Variants in ABCA13 observed in about 807,000 individuals in gnomAD.
ABCA13 encodes the protein ATP binding cassette subfamily A member 13.
In ABCA13, 476 loss-of-function variants were observed where a neutral mutation model predicts 478.7. That is an observed-to-expected ratio of 0.99 (90% CI 0.92 to 1.07). The LOEUF (loss-of-function observed/expected upper bound fraction) is 1.07, where lower values mean the gene tolerates loss of function less well. Ranked by LOEUF, ABCA13 falls within the 50% of genes least tolerant of loss-of-function variation. The probability of loss-of-function intolerance (pLI) is 0.00; values close to 1 mark genes in which losing one functional copy is unlikely to be tolerated. For missense variants in ABCA13, 6,060 were observed against 5,910.6 expected, an observed-to-expected ratio of 1.03 and a Z score of -0.83; for synonymous variants, 2,252 against 2,158.9, an observed-to-expected ratio of 1.04 and a Z score of -1.20.
intron 5 of ABCA13, among the ~76,000 whole-genome samples, chr7:48,226,994 G>A (rs115082273): frequency 0.012 from 1,895 of 151,710 alleles, 41 homozygotes; most frequent in African/African-American, 0.044. Context: ...TACAAAAATC[G>A]GCCTTCTTTT....
chr7:48,246,101 T>G lies in ABCA13; in HGVS notation c.1659+71T>G. The G allele has an allele frequency of 4.7e-6, 7 of 1,497,788 alleles. No homozygotes were observed. The South Asian group carries it at 7.9e-5, about 17-fold the overall frequency. The allele number at this position is 1,497,788 out of a possible 1,614,324, so 92.8% of individuals were successfully genotyped here. On this transcript the variant is annotated intron_variant, in intron 13 of 61. Coordinates refer to ENST00000435803, the MANE Select transcript of ABCA13 (RefSeq NM_152701.5). ...ATTAAATTCACCAAAGATGCTAATA[T>G]TTAACCTGGAGTTTCGATGAGGAAA...
At chr7:48,403,045 G>A (rs1817812848) in intron 38 of ABCA13, among the ~76,000 whole-genome samples, 1 of 152,250 alleles carries the variant, frequency 6.6e-6, no homozygotes, top group South Asian at 2.1e-4. Flanking sequence ...CCCTGGAAGA[G>A]GGGTAAAGTT....
chr7:48,536,422 A>T (rs753139259), intron 55 of ABCA13, among the ~76,000 whole-genome samples: 5 of 152,060 alleles, frequency 3.3e-5, no homozygotes, highest in Non-Finnish European at 5.9e-5. Context: ...CCGAGGTGGG[A>T]GGATCACCTG....
At chr7:48,232,827 A>G (rs1789358290) in intron 7 of ABCA13, among the ~76,000 whole-genome samples, 1 of 152,234 alleles carries the variant, frequency 6.6e-6, no homozygotes. Flanking sequence ...ATTAATAGTT[A>G]CAGCTCAGCT....
At chr7:48,528,668 G>GGGGTGGT (rs1358169612) in intron 55 of ABCA13, among the ~76,000 whole-genome samples, 2 of 152,098 alleles carry the variant, frequency 1.3e-5, no homozygotes, top group Non-Finnish European at 2.9e-5. Flanking sequence ...AAATGGCCAA[G>GGGGTGGT]GGGTGGTTCT....
intron 42 of ABCA13, among the ~76,000 whole-genome samples, chr7:48,437,332 G>A (rs1341190625): frequency 6.6e-6 from 1 of 151,930 alleles, no homozygotes; most frequent in Non-Finnish European, 1.5e-5. Flanking sequence ...TATTAGAATA[G>A]CCACCCTTCT....
intron 48 of ABCA13, among the ~76,000 whole-genome samples, chr7:48,495,498 G>T (rs911712939): frequency 5.4e-4 from 82 of 152,210 alleles, no homozygotes; most frequent in Middle Eastern, 6.8e-3. Flanking sequence ...TTAAAAAAAA[G>T]TATTCTACTC....
intron 55 of ABCA13, among the ~76,000 whole-genome samples, chr7:48,559,587 C>G (rs1234863363): frequency 6.6e-6 from 1 of 152,100 alleles, no homozygotes; most frequent in Non-Finnish European, 1.5e-5. Flanking sequence ...GCCCTCTGCC[C>G]TTCTCAAGCA....
At chr7:48,219,616 A>G (rs893625331) in intron 4 of ABCA13, 111 bp downstream of exon 4, 2 of 1,370,004 alleles carry the variant, frequency 1.5e-6, no homozygotes, top group African/African-American at 3.0e-5. Context: ...GCCTGTGCTA[A>G]ACTTTCATAG....
chr7:48,633,153 A>G (rs1430712137), intron 59 of ABCA13, among the ~76,000 whole-genome samples: 1 of 152,160 alleles, frequency 6.6e-6, no homozygotes, highest in African/African-American at 2.4e-5. Flanking sequence ...GAATAGGAAA[A>G]ATTTACCTGA....
At chr7:48,565,846 G>A (rs998913073) in intron 55 of ABCA13, among the ~76,000 whole-genome samples, 1 of 151,996 alleles carries the variant, frequency 6.6e-6, no homozygotes, top group Non-Finnish European at 1.5e-5. Flanking sequence ...CAAACACATG[G>A]CCCATGTTTA....
intron 16 of ABCA13, among the ~76,000 whole-genome samples, chr7:48,270,171 G>C (rs1184023965): frequency 6.6e-6 from 1 of 152,108 alleles, no homozygotes; most frequent in African/African-American, 2.4e-5. Context: ...TTTATATTAA[G>C]AAAGCTGAAC....
chr7:48,375,608 T>A (rs895175582), intron 34 of ABCA13, among the ~76,000 whole-genome samples: 7 of 150,956 alleles, frequency 4.6e-5, no homozygotes, highest in African/African-American at 1.7e-4. Context: ...ATTTGTATGG[T>A]TTTTTTTGGG....
At chr7:48,609,821 A>G (rs1791843848) in intron 58 of ABCA13, among the ~76,000 whole-genome samples, 2 of 152,188 alleles carry the variant, frequency 1.3e-5, no homozygotes, top group Non-Finnish European at 2.9e-5. Flanking sequence ...GTTAACAACC[A>G]GATCTCATGA....
At chr7:48,510,475 G>A (rs1038667538) in intron 50 of ABCA13, among the ~76,000 whole-genome samples, 1 of 152,174 alleles carries the variant, frequency 6.6e-6, no homozygotes, top group African/African-American at 2.4e-5. Context: ...GGTTCTACGT[G>A]TGTGGGAGGA....
chr7:48,267,264 CTT>C (rs998486583), intron 15 of ABCA13, among the ~76,000 whole-genome samples: 1 of 151,984 alleles, frequency 6.6e-6, no homozygotes, highest in African/African-American at 2.4e-5. Flanking sequence ...ATTGAAATCT[CTT>C]GACTATAATT....
chr7:48,316,811 G>A (rs1419571760), intron 26 of ABCA13, among the ~76,000 whole-genome samples: 1 of 152,124 alleles, frequency 6.6e-6, no homozygotes, highest in East Asian at 1.9e-4. Flanking sequence ...GAGATGCCAG[G>A]CTGTTTTATT....
At position 48,248,343 on chromosome 7, in the gene ABCA13, A is replaced by G; in HGVS notation, c.1764A>G (p.Ala588=). 6.2e-7 allele frequency: 1 copy of G among 1,613,858 alleles called. No individual in the cohort carries two copies. Among genetic ancestry groups the G allele is most frequent in the Non-Finnish European group, 8.5e-7 (1 of 1,179,788 alleles). ...AACTTGAGATGCAGCTGTCAGAAGC[A>G]AGCCTTTCCTGTACTCGGCTCTTCC... The part of the protein sequence containing the change: ...WQELEMQLSE[A]SLSCTRLFLL... The change falls in exon 14 of 62, where the codon GCA becomes GCG. Residue 588 remains alanine, a synonymous_variant. Transcript: ENST00000435803.
In ABCA13 at chr7:48,389,084, C is replaced by G. The variant is rs866179038; in HGVS notation, c.11518C>G (p.Pro3840Ala). ...NREGELEGSAPGVTLVSVTKE... is the reference protein window; with the variant it reads ...NREGELEGSAAGVTLVSVTKE... ...GGAAGGAGAGCTTGAAGGAAGTGCCCCGGGAGTCACCCTGGTGTCTGTGAC... is the reference window on the plus strand; with the variant it reads ...GGAAGGAGAGCTTGAAGGAAGTGCCGCGGGAGTCACCCTGGTGTCTGTGAC... Residue 3840 changes from proline to alanine, a missense_variant, in exon 37 of 62, where the codon CCG becomes GCG. Pro to Ala is a conservative substitution (Grantham distance 27, BLOSUM62 -1). Transcript: ENST00000435803. 1 of 1,613,866 alleles carries G rather than the reference C, an allele frequency of 6.2e-7. No individual in the cohort carries two copies. Among genetic ancestry groups the G allele is most frequent in the Middle Eastern group, 1.6e-4 (1 of 6,062 alleles).
Sources: allele counts gnomAD v4.1 joint callset (sites outside exome capture counted in the v4.1 genomes callset), GRCh38; gene constraint gnomAD v4.1.1; transcripts MANE v1.5; gene names NCBI Gene and HGNC (gene_info 2026-07-23, HGNC 2026-07-21).